The following RAPGEF5 variants were observed in gnomAD, a reference collection of about 807,000 sequenced individuals.
RAPGEF5 encodes M-Ras-regulated GEF.
RAPGEF5 carries 65 observed loss-of-function variants against 125.2 expected under a neutral mutation model. The observed-to-expected ratio is 0.52, with a 90% CI of 0.43 to 0.64. The LOEUF (loss-of-function observed/expected upper bound fraction) is 0.64. RAPGEF5 is among the 30% of genes least tolerant of loss of function. RAPGEF5 has a pLI of 0.00. For synonymous variants in RAPGEF5, 391 were observed against 385.9 expected, an observed-to-expected ratio of 1.01 and a Z score of -0.16; for missense variants, 958 against 1,048.1, an observed-to-expected ratio of 0.91 and a Z score of 1.19.
At chr7:22,334,026 A>AC (rs1783978909) in intron 1 of RAPGEF5, among the ~76,000 whole-genome samples, 2 of 145,560 alleles carry the variant, frequency 1.4e-5, no homozygotes. Flanking sequence ...GACAGAGCGG[A>AC]CAGTGTTAAG....
intron 1 of RAPGEF5, among the ~76,000 whole-genome samples, chr7:22,321,574 C>T (rs1334704968): frequency 6.6e-6 from 1 of 152,200 alleles, no homozygotes; most frequent in Non-Finnish European, 1.5e-5. Context: ...TGAATCACTT[C>T]AGTCACTACA....
At chr7:22,284,461 A>G (rs977925388) in intron 6 of RAPGEF5, among the ~76,000 whole-genome samples, 4 of 152,174 alleles carry the variant, frequency 2.6e-5, no homozygotes, top group Admixed American at 2.6e-4. Flanking sequence ...TGCTTCCTTA[A>G]TGCCCCTTGG....
chr7:22,190,237 A>C (rs1784950329), intron 11 of RAPGEF5, among the ~76,000 whole-genome samples: 1 of 144,526 alleles, frequency 6.9e-6, no homozygotes, highest in Non-Finnish European at 1.6e-5. Flanking sequence ...CCAAGATCAT[A>C]CTCCAGCCTG....
At chr7:22,287,038 C>T (rs1364597508) in intron 6 of RAPGEF5, among the ~76,000 whole-genome samples, 2 of 152,186 alleles carry the variant, frequency 1.3e-5, no homozygotes, top group Admixed American at 6.5e-5. Context: ...AGTTAGAATG[C>T]GGAAAGTCAC....
At chr7:22,157,498 A>T (rs1241032120) in intron 15 of RAPGEF5, among the ~76,000 whole-genome samples, 3 of 152,224 alleles carry the variant, frequency 2.0e-5, no homozygotes, top group Non-Finnish European at 4.4e-5. Context: ...TTTCTTTACA[A>T]GACTTCTTTC....
chr7:22,237,362 G>GTTT (rs34763788), intron 7 of RAPGEF5, among the ~76,000 whole-genome samples: 2 of 126,850 alleles, frequency 1.6e-5, no homozygotes, highest in East Asian at 4.7e-4. Context: ...TGTTGTTGCT[G>GTTT]TTTTTTTTTT....
chr7:22,234,286 A>G (rs1562774817), intron 7 of RAPGEF5, among the ~76,000 whole-genome samples: 1 of 152,162 alleles, frequency 6.6e-6, no homozygotes, highest in Non-Finnish European at 1.5e-5. Context: ...TGGTGGGAAA[A>G]GGAGGAAGGA....
chr7:22,137,079 C>A, intron 21 of RAPGEF5, 96 bp from the exon 22 acceptor site: 1 of 907,096 alleles, frequency 1.1e-6, no homozygotes, highest in South Asian at 1.5e-5. Context: ...TTATCTGTGT[C>A]ACATTTCTGA....
At position 22,356,848 on chromosome 7, in the gene RAPGEF5, C is replaced by T; in HGVS notation, c.213G>A (p.Arg71=). Residue 71 remains arginine, a synonymous_variant, in exon 1 of 26, where the codon CGG becomes CGA. Transcript: ENST00000665637. The part of the protein sequence containing the change: ...LRSGLTLRRK[R]SAAGGRTLSR... ...CACTCACCCGGCCCCCAGCGGCGCTCCGCTTCCTCCGCAGCGTGAGCCCGC... is the reference window on the plus strand; with the variant it reads ...CACTCACCCGGCCCCCAGCGGCGCTTCGCTTCCTCCGCAGCGTGAGCCCGC... 1 of 1,165,532 alleles carries T rather than the reference C, an allele frequency of 8.6e-7. No homozygotes were observed. The highest frequency in any genetic ancestry group is 1.1e-6 in the Non-Finnish European group (1 of 945,396). The allele number at this position is 1,165,532 out of a possible 1,614,324, so 72.2% of individuals were successfully genotyped here. A position where few individuals can be genotyped will look rare whatever the true frequency, so the allele number is the denominator to read the frequency against.
intron 7 of RAPGEF5, among the ~76,000 whole-genome samples, chr7:22,255,295 A>T (rs1299645709): frequency 6.6e-6 from 1 of 152,162 alleles, no homozygotes; most frequent in African/African-American, 2.4e-5. Flanking sequence ...TAAAAGCTAA[A>T]CACAATAAGC....
At position 22,240,289 on chromosome 7, in the gene RAPGEF5, C is replaced by T. The variant is rs560788215; in HGVS notation, c.797-9370G>A. Among the ~76,000 whole-genome samples, 13 of 144,270 alleles carry T rather than the reference C, an allele frequency of 9.0e-5. No individual in the cohort carries two copies. In the South Asian group the frequency reaches 2.6e-3, roughly 29 times the overall value. The allele number at this position is 144,270 out of a possible 152,430, so 94.6% of individuals were successfully genotyped here. On this transcript the variant is annotated intron_variant, in intron 7 of 25. Coordinates refer to ENST00000665637, the MANE Select transcript of RAPGEF5 (RefSeq NM_012294.5). ...CCAACTAAAATAAAACCTTGATAAA[C>T]AAAAATCAAGTTAACCTTAGCAACA...
intron 7 of RAPGEF5, among the ~76,000 whole-genome samples, chr7:22,245,957 C>G (rs138951505): frequency 1.5e-3 from 223 of 151,850 alleles, no homozygotes; most frequent in African/African-American, 4.7e-3. Flanking sequence ...AGCGCCAAAT[C>G]AAGAACACAA....
At chr7:22,287,479 A>C (rs573474845) in intron 6 of RAPGEF5, among the ~76,000 whole-genome samples, 1 of 152,332 alleles carries the variant, frequency 6.6e-6, no homozygotes, top group African/African-American at 2.4e-5. Flanking sequence ...TAAGATAGTC[A>C]CATGCAAAAA....
At chr7:22,297,438 G>A (rs1284025515) in intron 5 of RAPGEF5, among the ~76,000 whole-genome samples, 2 of 152,180 alleles carry the variant, frequency 1.3e-5, no homozygotes, top group African/African-American at 4.8e-5. Flanking sequence ...AGGAAAAAGA[G>A]GTAAGAGGGG....
chr7:22,193,507 C>A, intron 10 of RAPGEF5, 52 bp from the exon 11 acceptor site: 1 of 1,556,422 alleles, frequency 6.4e-7, no homozygotes, highest in Non-Finnish European at 8.7e-7. Context: ...AGACTGCGAG[C>A]GGCTGCTCCA....
intron 9 of RAPGEF5, among the ~76,000 whole-genome samples, chr7:22,206,943 C>A (rs1785411524): frequency 6.6e-6 from 1 of 151,858 alleles, no homozygotes; most frequent in Non-Finnish European, 1.5e-5. Flanking sequence ...TTGTCCAAAT[C>A]AATAAGAAAA....
chr7:22,179,766 C>A (rs979772754), intron 11 of RAPGEF5, among the ~76,000 whole-genome samples: 1 of 152,150 alleles, frequency 6.6e-6, no homozygotes, highest in Admixed American at 6.5e-5. Flanking sequence ...ATGATACAAT[C>A]GCATGCTAAA....
At chr7:22,164,342 T>G (rs1317778507) in intron 12 of RAPGEF5, among the ~76,000 whole-genome samples, 3 of 152,170 alleles carry the variant, frequency 2.0e-5, no homozygotes, top group Admixed American at 6.6e-5. Flanking sequence ...AGATTTATCT[T>G]ACATTATTTC....
intron 9 of RAPGEF5, among the ~76,000 whole-genome samples, chr7:22,200,459 C>T (rs768039963): frequency 9.9e-5 from 15 of 152,224 alleles, no homozygotes; most frequent in East Asian, 9.6e-4. Context: ...TCTTTGTACA[C>T]GATACTCTGG....
Sources: gnomAD v4.1 joint callset for allele counts (sites outside exome capture counted in the v4.1 genomes callset) on GRCh38, gnomAD v4.1.1 for gene constraint, MANE v1.5 for transcripts, NCBI Gene and HGNC (gene_info 2026-07-23, HGNC 2026-07-21) for gene names.